Variants in IGSF11 observed in about 807,000 individuals in gnomAD.
IGSF11 encodes immunoglobulin superfamily member 11.
Under a neutral mutation model 41.0 loss-of-function variants are expected in IGSF11, and 22 were observed. The observed-to-expected ratio is 0.54, with a 90% CI of 0.38 to 0.77. IGSF11 has a LOEUF of 0.77. IGSF11 is among the 30% of genes least tolerant of loss of function. The pLI, the probability that IGSF11 is intolerant of heterozygous loss-of-function variation, is 0.00. For synonymous variants in IGSF11, 219 were observed against 201.3 expected, an observed-to-expected ratio of 1.09 and a Z score of -0.74; for missense variants, 444 against 530.8, an observed-to-expected ratio of 0.84 and a Z score of 1.61.
chr3:119,051,542 AC>A (rs1200516459), intron 1 of IGSF11, among the ~76,000 whole-genome samples: 1 of 152,202 alleles, frequency 6.6e-6, no homozygotes, highest in African/African-American at 2.4e-5. Flanking sequence ...GGACTTCAAT[AC>A]TCGACTAACA....
chr3:119,136,447 G>A (rs1038501804), intron 1 of IGSF11, among the ~76,000 whole-genome samples: 1 of 152,030 alleles, frequency 6.6e-6, no homozygotes, highest in African/African-American at 2.4e-5. Context: ...ACCTATGAAG[G>A]CACACATAGA....
At chr3:119,072,021 C>A (rs966523147) in intron 1 of IGSF11, among the ~76,000 whole-genome samples, 4 of 152,108 alleles carry the variant, frequency 2.6e-5, no homozygotes, top group African/African-American at 9.7e-5. Context: ...AAATACAAGT[C>A]TTGCACAGGA....
At chr3:119,039,887 C>T (rs1000637105) in intron 1 of IGSF11, among the ~76,000 whole-genome samples, 6 of 152,174 alleles carry the variant, frequency 3.9e-5, no homozygotes, top group Non-Finnish European at 8.8e-5. Flanking sequence ...TCTAACTTAA[C>T]CTACTCCATC....
At chr3:119,127,504 G>A (rs956360793) in intron 1 of IGSF11, among the ~76,000 whole-genome samples, 1 of 152,050 alleles carries the variant, frequency 6.6e-6, no homozygotes, top group Non-Finnish European at 1.5e-5. Context: ...GGAAGATCCA[G>A]GAGAACTTCC....
At chr3:119,059,675 A>G (rs1257303437) in intron 1 of IGSF11, among the ~76,000 whole-genome samples, 1 of 152,000 alleles carries the variant, frequency 6.6e-6, no homozygotes, top group Non-Finnish European at 1.5e-5. Flanking sequence ...TTAACTGCCA[A>G]GCTTTTTTTT....
chr3:119,122,568 C>A (rs2077347924), intron 1 of IGSF11, among the ~76,000 whole-genome samples: 1 of 152,170 alleles, frequency 6.6e-6, no homozygotes, highest in African/African-American at 2.4e-5. Flanking sequence ...TCAGCCAGGG[C>A]AGCTAAGGGA....
intron 1 of IGSF11, among the ~76,000 whole-genome samples, chr3:118,999,968 T>C (rs1460345153): frequency 2.0e-5 from 3 of 151,860 alleles, no homozygotes; most frequent in African/African-American, 7.3e-5. Context: ...GGCTTCTCAA[T>C]TAACCATCTA....
intron 1 of IGSF11, among the ~76,000 whole-genome samples, chr3:119,056,123 G>A (rs1200261366): frequency 6.6e-6 from 1 of 151,956 alleles, no homozygotes; most frequent in African/African-American, 2.4e-5. Flanking sequence ...ACTAAGATGA[G>A]AGCAGAACTG....
chr3:119,040,762 A>G (rs1048662976), intron 1 of IGSF11, among the ~76,000 whole-genome samples: 1 of 152,244 alleles, frequency 6.6e-6, no homozygotes, highest in South Asian at 2.1e-4. Flanking sequence ...GAATGGATGA[A>G]TCAATGAATG....
intron 1 of IGSF11, among the ~76,000 whole-genome samples, chr3:118,973,890 G>A (rs1017766425): frequency 1.3e-5 from 2 of 152,098 alleles, no homozygotes; most frequent in African/African-American, 4.8e-5. Context: ...TTATAAGTGG[G>A]AGCTGAACAA....
intron 1 of IGSF11, among the ~76,000 whole-genome samples, chr3:119,047,197 C>T (rs574432145): frequency 0.025 from 3,847 of 151,060 alleles, 141 homozygotes; most frequent in African/African-American, 0.088. Flanking sequence ...AAGACACACA[C>T]TGGCAAATTG....
At chr3:118,961,658 G>T (rs1217009178) in intron 1 of IGSF11, among the ~76,000 whole-genome samples, 1 of 152,148 alleles carries the variant, frequency 6.6e-6, no homozygotes, top group African/African-American at 2.4e-5. Context: ...GGATCCAGTG[G>T]CAAGATCCAG....
intron 1 of IGSF11, among the ~76,000 whole-genome samples, chr3:118,962,914 T>C (rs1576493726): frequency 6.6e-6 from 1 of 152,188 alleles, no homozygotes; most frequent in African/African-American, 2.4e-5. Flanking sequence ...TATGTGTAAG[T>C]CAGTTTATCA....
intron 1 of IGSF11, among the ~76,000 whole-genome samples, chr3:119,073,502 T>TG (rs1216055669): frequency 2.0e-5 from 3 of 152,010 alleles, no homozygotes; most frequent in African/African-American, 2.4e-5. Flanking sequence ...GAGCCCACCG[T>TG]GGGGGGGCTC....
intron 1 of IGSF11, among the ~76,000 whole-genome samples, chr3:119,087,895 C>A (rs1353035291): frequency 6.6e-6 from 1 of 151,366 alleles, no homozygotes; most frequent in Non-Finnish European, 1.5e-5. Flanking sequence ...AAATATATAC[C>A]CACCCAACAT....
At chr3:119,025,735 G>A (rs251456) in intron 1 of IGSF11, among the ~76,000 whole-genome samples, 18,244 of 151,672 alleles carry the variant, frequency 0.12, 1,262 homozygotes, top group East Asian at 0.2. Flanking sequence ...TTCTCTCCCC[G>A]GATGTTAAAT....
intron 1 of IGSF11, among the ~76,000 whole-genome samples, chr3:118,945,210 A>C (rs549333036): frequency 2.0e-5 from 3 of 152,318 alleles, no homozygotes; most frequent in South Asian, 2.1e-4. Context: ...GGGAAAAAAA[A>C]CCAGAAAACA....
chr3:118,999,688 A>T (rs958222235), intron 1 of IGSF11, among the ~76,000 whole-genome samples: 1 of 152,236 alleles, frequency 6.6e-6, no homozygotes, highest in Non-Finnish European at 1.5e-5. Flanking sequence ...TCATAATGCT[A>T]TATTAAATCA....
upstream of IGSF11, among the ~76,000 whole-genome samples, chr3:119,039,268 A>G (rs921606716): frequency 5.9e-5 from 9 of 152,214 alleles, 1 homozygote; most frequent in Non-Finnish European, 1.3e-4. Flanking sequence ...AGGTGTGGAC[A>G]AGGCTGTGTT....
Sources: allele counts gnomAD v4.1 joint callset (sites outside exome capture counted in the v4.1 genomes callset), GRCh38; gene constraint gnomAD v4.1.1; transcripts MANE v1.5; gene names NCBI Gene and HGNC (gene_info 2026-07-23, HGNC 2026-07-21).